Variants in TRPC4 observed in about 807,000 individuals in gnomAD.
The protein encoded by TRPC4 is short transient receptor potential channel 4.
Under a neutral mutation model 99.4 loss-of-function variants are expected in TRPC4, and 49 were observed. The observed-to-expected ratio is 0.49, with a 90% CI of 0.39 to 0.63. The LOEUF (loss-of-function observed/expected upper bound fraction) is 0.63, where lower values mean the gene tolerates loss of function less well. TRPC4 is among the 20% of genes least tolerant of loss of function. The probability of loss-of-function intolerance (pLI) is 0.00; values close to 1 mark genes in which losing one functional copy is unlikely to be tolerated. For synonymous variants in TRPC4, 454 were observed against 425.9 expected, an observed-to-expected ratio of 1.07 and a Z score of -0.81; for missense variants, 898 against 1,152.9, an observed-to-expected ratio of 0.78 and a Z score of 3.20.
At chr13:37,812,175 T>TAAAAAAAAAAAAAAAAAA (rs1957707997) in intron 1 of TRPC4, among the ~76,000 whole-genome samples, 1 of 5,200 alleles carries the variant, frequency 1.9e-4, no homozygotes, top group African/African-American at 9.0e-4. Flanking sequence ...TGAGACTCTA[T>TAAAAAAAAAAAAAAAAAA]CAAAAAAAAA....
intron 5 of TRPC4, among the ~76,000 whole-genome samples, chr13:37,666,285 C>G (rs1360673648): frequency 6.6e-6 from 1 of 152,192 alleles, no homozygotes; most frequent in Non-Finnish European, 1.5e-5. Flanking sequence ...AAGCTCCTCT[C>G]CTGTGGTACA....
intron 4 of TRPC4, among the ~76,000 whole-genome samples, chr13:37,677,552 T>G (rs9532095): frequency 0.23 from 35,177 of 152,008 alleles, 4,561 homozygotes; most frequent in Admixed American, 0.31. Flanking sequence ...GCAATGTTAC[T>G]AGGTATATAG....
At chr13:37,745,490 T>TATATATG (rs1430019868) in intron 3 of TRPC4, among the ~76,000 whole-genome samples, 39 of 111,898 alleles carry the variant, frequency 3.5e-4, no homozygotes, top group African/African-American at 1.5e-3. Flanking sequence ...ACACACACAC[T>TATATATG]TATATATACG....
At chr13:37,735,410 C>T (rs951568023) in intron 3 of TRPC4, among the ~76,000 whole-genome samples, 3 of 152,128 alleles carry the variant, frequency 2.0e-5, no homozygotes, top group Non-Finnish European at 4.4e-5. Context: ...TAAAAGCTGG[C>T]AATTCTGGTG....
In TRPC4 at chr13:37,651,245, C is replaced by G. The variant is rs2138613047; in HGVS notation, c.2079+20G>C. On this transcript the variant is annotated intron_variant, in intron 8 of 10. Coordinates refer to ENST00000379705, the MANE Select transcript of TRPC4 (RefSeq NM_016179.4). ...TACACAATTTAAAAAAAGAGTAATA[C>G]TAACATGCTGTGTTCTTACCCCTAT... 8 of 1,613,342 alleles carry G rather than the reference C, an allele frequency of 5.0e-6. No homozygotes were observed. In the South Asian group the frequency reaches 7.7e-5, roughly 16 times the overall value.
At chr13:37,833,413 C>G (rs1184193191) in intron 1 of TRPC4, among the ~76,000 whole-genome samples, 1 of 152,190 alleles carries the variant, frequency 6.6e-6, no homozygotes, top group Admixed American at 6.5e-5. Context: ...TCACAACCAT[C>G]TGGGCATATT....
intron 2 of TRPC4, among the ~76,000 whole-genome samples, chr13:37,779,568 T>G (rs925793674): frequency 6.6e-5 from 10 of 152,004 alleles, no homozygotes; most frequent in Non-Finnish European, 1.3e-4. Flanking sequence ...GAAAATCATT[T>G]AATATACTAA....
Position 37,657,093 on chromosome 13 carries a change from G to C in TRPC4, c.1689-1810C>G, listed in dbSNP as rs534239140. Reference sequence around the variant, plus strand: ...AGGATGGAAATTGCTTTTTTAAAAAGGTAAAAAATTTCATATTTTTAATTG... The same window carrying C: ...AGGATGGAAATTGCTTTTTTAAAAACGTAAAAAATTTCATATTTTTAATTG... On this transcript the variant is annotated intron_variant, in intron 6 of 10. Coordinates refer to ENST00000379705, the MANE Select transcript of TRPC4 (RefSeq NM_016179.4). Among the ~76,000 whole-genome samples the C allele has an allele frequency of 3.9e-4, 59 of 152,170 alleles. No individual in the cohort carries two copies. The South Asian group carries it at 5.4e-3, about 14-fold the overall frequency.
At chr13:37,688,687 T>C (rs1286536120) in intron 4 of TRPC4, among the ~76,000 whole-genome samples, 1 of 152,070 alleles carries the variant, frequency 6.6e-6, no homozygotes, top group Non-Finnish European at 1.5e-5. Flanking sequence ...GTGAATTTAG[T>C]ACAAATAAAA....
chr13:37,696,604 G>A (rs1288315624), intron 3 of TRPC4, among the ~76,000 whole-genome samples: 1 of 152,130 alleles, frequency 6.6e-6, no homozygotes, highest in African/African-American at 2.4e-5. Flanking sequence ...GAGTCACAAG[G>A]AAGTCTCAGC....
intron 8 of TRPC4, among the ~76,000 whole-genome samples, chr13:37,641,244 G>A (rs1555248344): frequency 6.6e-6 from 1 of 151,970 alleles, no homozygotes; most frequent in Non-Finnish European, 1.5e-5. Flanking sequence ...ATTTTCTTGG[G>A]AAAAAACTTA....
At chr13:37,675,270 A>G (rs1388207512) in intron 4 of TRPC4, among the ~76,000 whole-genome samples, 1 of 152,236 alleles carries the variant, frequency 6.6e-6, no homozygotes, top group Non-Finnish European at 1.5e-5. Context: ...TAATTTTCCA[A>G]GCATGCATCA....
At chr13:37,860,022 C>T (rs1269471365) in intron 1 of TRPC4, among the ~76,000 whole-genome samples, 1 of 150,816 alleles carries the variant, frequency 6.6e-6, no homozygotes, top group Admixed American at 6.6e-5. Flanking sequence ...ACAAAAATAG[C>T]TCATCAAACA....
At chr13:37,679,267 T>A (rs928555414) in intron 4 of TRPC4, among the ~76,000 whole-genome samples, 1 of 152,132 alleles carries the variant, frequency 6.6e-6, no homozygotes, top group African/African-American at 2.4e-5. Context: ...ACTGTATGCG[T>A]TTTAACATTT....
At chr13:37,838,762 C>G (rs1481620518) in intron 1 of TRPC4, among the ~76,000 whole-genome samples, 1 of 152,074 alleles carries the variant, frequency 6.6e-6, no homozygotes, top group African/African-American at 2.4e-5. Flanking sequence ...TAGAGAGAAG[C>G]ATTAAAGGAA....
intron 1 of TRPC4, among the ~76,000 whole-genome samples, chr13:37,807,177 C>A (rs1004972092): frequency 1.3e-5 from 2 of 151,942 alleles, no homozygotes; most frequent in Admixed American, 6.6e-5. Flanking sequence ...TTTTCTCTCT[C>A]TTCTCTCTCA....
At chr13:37,706,429 G>T (rs1954279887) in intron 3 of TRPC4, among the ~76,000 whole-genome samples, 1 of 152,110 alleles carries the variant, frequency 6.6e-6, no homozygotes, top group Non-Finnish European at 1.5e-5. Flanking sequence ...TTGAGGGTAG[G>T]GTAAGAAGGC....
chr13:37,707,194 C>T (rs1269135108), intron 3 of TRPC4, among the ~76,000 whole-genome samples: 2 of 152,066 alleles, frequency 1.3e-5, no homozygotes, highest in African/African-American at 2.4e-5. Context: ...TAGTCTCTAT[C>T]GAGTATTATT....
chr13:37,825,058 A>G (rs9576378), intron 1 of TRPC4, among the ~76,000 whole-genome samples: 42,081 of 149,138 alleles, frequency 0.28, 6,126 homozygotes, highest in East Asian at 0.42. Context: ...GTTTATTTGC[A>G]TAGAGGTGTT....
Sources: gnomAD v4.1 joint callset for allele counts (sites outside exome capture counted in the v4.1 genomes callset) on GRCh38, gnomAD v4.1.1 for gene constraint, MANE v1.5 for transcripts, NCBI Gene and HGNC (gene_info 2026-07-23, HGNC 2026-07-21) for gene names.